Variants in PEX5 observed in about 807,000 individuals in gnomAD.
The protein encoded by PEX5 is PTS1 receptor.
Under a neutral mutation model 82.9 loss-of-function variants are expected in PEX5, and 52 were observed. That is an observed-to-expected ratio of 0.63 (90% CI 0.50 to 0.79). The LOEUF (loss-of-function observed/expected upper bound fraction) is 0.79, where lower values mean the gene tolerates loss of function less well. PEX5 is among the 30% of genes least tolerant of loss of function. The pLI is 0.00. For missense variants in PEX5, 719 were observed against 815.2 expected (o/e 0.88, Z 1.44); for synonymous variants, 300 against 318.8 (o/e 0.94, Z 0.63).
Position 7,208,553 on chromosome 12 carries a change from A to G in PEX5, c.1278A>G (p.Leu426=), listed in dbSNP as rs1270917904. ...ESLQRQACET[L]RDWLRYTPAY... is the part of the protein sequence containing the mutation. ...TGCAGCGACAGGCCTGTGAAACCCT[A>G]CGAGACTGGCTGCGGTACACACCAG... is the stretch of plus-strand genomic sequence containing the variant. The change falls in exon 13 of 16, where the codon CTA becomes CTG. Residue 426 remains leucine, a synonymous_variant. Coordinates refer to ENST00000675855, the MANE Select transcript of PEX5 (RefSeq NM_001351132.2). 6.2e-7 allele frequency: 1 copy of G among 1,614,122 alleles called. No homozygotes were observed. Among genetic ancestry groups the G allele is most frequent in the South Asian group, 1.1e-5 (1 of 91,086 alleles).
chr12:7,189,956 G>C (rs1940650865), intron 1 of PEX5: 1 of 1,490,602 alleles, frequency 6.7e-7, no homozygotes, highest in South Asian at 1.3e-5. Flanking sequence ...CGTGCTCACC[G>C]CGTGCTGGGG....
At position 7,191,626 on chromosome 12, in the gene PEX5, C is replaced by T. The variant is rs1219476944; in HGVS notation, c.374C>T (p.Ala125Val). 5.6e-6 allele frequency: 9 copies of T among 1,613,344 alleles called. No homozygotes were observed. Among genetic ancestry groups the T allele is most frequent in the Non-Finnish European group, 7.6e-6 (9 of 1,179,454 alleles). Residue 125 changes from alanine (A) to valine (V), a missense_variant, in exon 5 of 16, where the codon GCT becomes GTT. Coordinates refer to ENST00000675855, the MANE Select transcript of PEX5 (RefSeq NM_001351132.2). ...AACTGGGCCCAGGAGTTTCTTGCAG[C>T]TGGAGATGCTGTGGATGTAACTCAG... is the stretch of plus-strand genomic sequence containing the variant. ...SENWAQEFLA[A>V]GDAVDVTQDY... is the part of the protein sequence containing the mutation.
intron 5 of PEX5, among the ~76,000 whole-genome samples, chr12:7,193,210 C>T (rs1591659461): frequency 6.7e-6 from 1 of 149,954 alleles, no homozygotes; most frequent in South Asian, 2.1e-4. Flanking sequence ...TATTCAAACT[C>T]ATGTCTGTGT....
chr12:7,190,282 T>TC, intron 1 of PEX5, 80 bp from the exon 2 acceptor site: 1 of 1,593,672 alleles, frequency 6.3e-7, no homozygotes, highest in African/African-American at 1.3e-5. Context: ...CTGTGTGCCT[T>TC]CCTCAGATAC....
At chr12:7,212,022 A>G (rs546031209), downstream of PEX5, among the ~76,000 whole-genome samples, 4 of 150,398 alleles carry the variant, frequency 2.7e-5, no homozygotes, top group Non-Finnish European at 5.9e-5. Flanking sequence ...CTGGAGTGCA[A>G]TGGCGTGATC....
intron 1 of PEX5, 54 bp from the exon 2 acceptor site, chr12:7,190,308 T>C: frequency 2.5e-6 from 4 of 1,603,770 alleles, no homozygotes; most frequent in Non-Finnish European, 8.5e-7. Context: ...GAGTTGTGGA[T>C]GTGAGAAGGG....
rs1057081316 is a variant in PEX5, at chr12:7,211,138, G to A, written c.*915G>A. On this transcript the variant is annotated 3_prime_UTR_variant, in exon 16 of 16. Transcript: ENST00000675855. ...AATCTTGCCAGATTTCTAGCAAATA[G>A]GTTCAGTGTTACCATAAGCCTTTGC... is the stretch of plus-strand genomic sequence containing the variant. 6.5e-6 allele frequency: 1 copy of A among 152,722 alleles called. No homozygotes were observed. Among genetic ancestry groups the A allele is most frequent in the African/African-American group, 2.4e-5 (1 of 41,446 alleles). 9.5% of individuals were successfully genotyped at this position (152,722 alleles called of 1,614,324 possible). A position where few individuals can be genotyped will look rare whatever the true frequency, so the allele number is the denominator to read the frequency against.
At position 7,209,760 on chromosome 12, in the gene PEX5, C is replaced by A; in HGVS notation, c.1638C>A (p.Arg546=). 6.3e-7 allele frequency: 1 copy of A among 1,590,776 alleles called. No individual in the cohort carries two copies. Among genetic ancestry groups the A allele is most frequent in the Non-Finnish European group, 8.5e-7 (1 of 1,170,600 alleles). The stretch of plus-strand genomic sequence containing the variant: ...GTGAAGAAGCAGTAGCTGCGTACCG[C>A]CGGGCCCTCGAGCTCCAGCCTGGCT... ...NQSEEAVAAY[R]RALELQPGYI... Residue 546 remains arginine (R), a synonymous_variant, in exon 15 of 16, where the codon CGC becomes CGA. Transcript: ENST00000675855.
At chr12:7,191,118 T>G in intron 3 of PEX5, 108 bp from the exon 4 acceptor site, 1 of 1,326,454 alleles carries the variant, frequency 7.5e-7, no homozygotes, top group Non-Finnish European at 1.1e-6. Context: ...CCAGTTTCTG[T>G]GTTTTCCTTT....
At chr12:7,214,103 G>T (rs1486409795), downstream of PEX5, among the ~76,000 whole-genome samples, 1 of 152,164 alleles carries the variant, frequency 6.6e-6, no homozygotes, top group Non-Finnish European at 1.5e-5. Context: ...GGAGAAATAG[G>T]AACACTTTTA....
At chr12:7,207,302 T>C (rs928921217) in intron 10 of PEX5, among the ~76,000 whole-genome samples, 1 of 152,208 alleles carries the variant, frequency 6.6e-6, no homozygotes, top group Non-Finnish European at 1.5e-5. Context: ...AGGGACACTT[T>C]GTCTCATTAC....
rs1286857920 is a variant in PEX5, at chr12:7,203,007, A to G, written c.846+303A>G. 3.9e-5 allele frequency among the ~76,000 whole-genome samples: 6 copies of G among 152,030 alleles called. No individual in the cohort carries two copies. In the South Asian group the frequency reaches 8.3e-4, roughly 21 times the overall value. On this transcript the variant is annotated intron_variant, in intron 9 of 15. Coordinates refer to ENST00000675855, the MANE Select transcript of PEX5 (RefSeq NM_001351132.2). ...CCCCATGTCTCTACTAAAAATACAA[A>G]ATTAGCGTGGTGTGTTGGCGCATGC...
Position 7,191,371 on chromosome 12 carries a change from TC to T in PEX5, c.316+14del, listed in dbSNP as rs1356344247. ...GCTCCCCAGAGAGGTGAGTCCAGAG[TC>T]TAGTGGGAGGGGAGATCGTTTTCCA... On this transcript the variant is annotated intron_variant, in intron 4 of 15. Coordinates refer to ENST00000675855, the MANE Select transcript of PEX5 (RefSeq NM_001351132.2). The T allele has an allele frequency of 6.2e-7, 1 of 1,613,672 alleles. No individual in the cohort carries two copies. Among genetic ancestry groups the T allele is most frequent in the Admixed American group, 1.7e-5 (1 of 59,952 alleles).
At chr12:7,202,846 T>C (rs935141758) in intron 9 of PEX5, 142 bp downstream of exon 9, 4 of 728,632 alleles carry the variant, frequency 5.5e-6, no homozygotes, top group African/African-American at 1.7e-5. Context: ...GGGGATGGGG[T>C]GGGTGCTGTT....
At chr12:7,201,320 TAC>T in intron 6 of PEX5, among the ~76,000 whole-genome samples, 1 of 47,570 alleles carries the variant, frequency 2.1e-5, no homozygotes, top group East Asian at 5.5e-4. Flanking sequence ...CACATGTATA[TAC>T]ATACACACAT....
intron 6 of PEX5, among the ~76,000 whole-genome samples, chr12:7,199,697 C>T (rs1423552068): frequency 1.3e-5 from 2 of 150,308 alleles, no homozygotes; most frequent in African/African-American, 2.4e-5. Flanking sequence ...GTCATCATGG[C>T]CCGTTCTCAA....
chr12:7,206,676 G>C (rs987658657), intron 10 of PEX5, among the ~76,000 whole-genome samples: 4 of 151,806 alleles, frequency 2.6e-5, no homozygotes, highest in African/African-American at 9.7e-5. Flanking sequence ...AATTTTGCTG[G>C]TAAGATTTAA....
intron 5 of PEX5, among the ~76,000 whole-genome samples, chr12:7,194,194 T>G (rs1340414346): frequency 2.1e-4 from 32 of 152,228 alleles, no homozygotes; most frequent in Admixed American, 2.1e-3. Context: ...AGGTTATACT[T>G]TTTAAGTTCT....
chr12:7,216,755 G>A (rs1002595734), intron 17 of PEX5, among the ~76,000 whole-genome samples: 9 of 152,054 alleles, frequency 5.9e-5, no homozygotes, highest in East Asian at 5.8e-4. Flanking sequence ...TAGTCTTTAC[G>A]TGACTATTAA....
Sources: gnomAD v4.1 joint callset for allele counts (sites outside exome capture counted in the v4.1 genomes callset) on GRCh38, gnomAD v4.1.1 for gene constraint, MANE v1.5 for transcripts, NCBI Gene and HGNC (gene_info 2026-07-23, HGNC 2026-07-21) for gene names.